The following LINGO2 variants were observed in gnomAD, a reference collection of about 807,000 sequenced individuals.
LINGO2 encodes leucine-rich repeat and immunoglobulin-like domain-containing nogo receptor-interacting protein 2.
A neutral mutation model predicts 30.6 loss-of-function variants in LINGO2; 14 were observed. The ratio of observed to expected loss-of-function variants is 0.46; its 90% CI spans 0.30 to 0.72. The LOEUF is 0.72. Ranked by LOEUF, LINGO2 falls within the 30% of genes least tolerant of loss-of-function variation. The pLI, the probability that LINGO2 is intolerant of heterozygous loss-of-function variation, is 0.07. For missense variants in LINGO2, 729 were observed against 751.7 expected (o/e 0.97, Z 0.35); for synonymous variants, 317 against 288.5 (o/e 1.10, Z -1.00).
intron 3 of LINGO2, among the ~76,000 whole-genome samples, chr9:28,334,426 C>T (rs1002193204): frequency 3.3e-5 from 5 of 151,972 alleles, no homozygotes; most frequent in East Asian, 1.9e-4. Flanking sequence ...ATATCCACAA[C>T]GTATAGTTCA....
intron 5 of LINGO2, among the ~76,000 whole-genome samples, chr9:27,979,913 G>A (rs80343215): frequency 0.048 from 7,352 of 151,988 alleles, 332 homozygotes; most frequent in Admixed American, 0.1. Context: ...TTCATTTTCT[G>A]TCCATAAAAC....
At chr9:29,074,156 G>A in the LINGO2 span, among the ~76,000 whole-genome samples, 1 of 152,034 alleles carries the variant, frequency 6.6e-6, no homozygotes, top group South Asian at 2.1e-4. Context: ...AAGGATGCAT[G>A]CATAAATCTG....
the LINGO2 span, among the ~76,000 whole-genome samples, chr9:28,780,048 A>G: frequency 6.6e-6 from 1 of 152,148 alleles, no homozygotes; most frequent in Non-Finnish European, 1.5e-5. Flanking sequence ...GTTTTGTTTC[A>G]TAAGTGTATT....
chr9:28,442,506 C>CTAA (rs1424307687), intron 2 of LINGO2, among the ~76,000 whole-genome samples: 24 of 152,006 alleles, frequency 1.6e-4, no homozygotes, highest in Non-Finnish European at 2.8e-4. Context: ...TACTAATGTG[C>CTAA]TGTATTTGTT....
intron 4 of LINGO2, among the ~76,000 whole-genome samples, chr9:28,029,817 C>T (rs559335927): frequency 1.3e-4 from 20 of 152,286 alleles, no homozygotes; most frequent in African/African-American, 4.6e-4. Context: ...AATTCTTCAA[C>T]TGTTGTATGT....
rs199777367 is a variant in LINGO2, at chr9:28,656,252, TA to T, written c.-365+13947del. Among the ~76,000 whole-genome samples, 84 of 150,806 alleles carry T rather than the reference TA, an allele frequency of 5.6e-4. 2 individuals carry two copies. The highest frequency in any genetic ancestry group is 1.2e-3 in the East Asian group (6 of 5,144). On this transcript the variant is annotated intron_variant, in intron 1 of 5. Coordinates refer to ENST00000379992, the Ensembl canonical transcript of LINGO2. ...TGTTCTAAAGCAAGTGGGTTAAAGT[TA>T]AAAAAAAATAGCATATTTACATAGT... is the stretch of plus-strand genomic sequence containing the variant.
chr9:28,223,184 G>A (rs949676551), intron 4 of LINGO2, among the ~76,000 whole-genome samples: 2 of 152,148 alleles, frequency 1.3e-5, no homozygotes, highest in African/African-American at 4.8e-5. Context: ...ACCTGAGATG[G>A]GGTAATTTAT....
intron 3 of LINGO2, among the ~76,000 whole-genome samples, chr9:28,359,467 C>T (rs1820358908): frequency 6.6e-6 from 1 of 152,144 alleles, no homozygotes. Context: ...CACACACATA[C>T]CTGCCCTAAC....
chr9:28,913,103 T>A, the LINGO2 span, among the ~76,000 whole-genome samples: 1 of 152,118 alleles, frequency 6.6e-6, no homozygotes, highest in Non-Finnish European at 1.5e-5. Context: ...ACAATAATTA[T>A]CTTTTTCTTT....
At chr9:28,762,150 C>T in the LINGO2 span, among the ~76,000 whole-genome samples, 1 of 151,988 alleles carries the variant, frequency 6.6e-6, no homozygotes, top group African/African-American at 2.4e-5. Flanking sequence ...CTTTCCTAAA[C>T]TGGGGTAGAC....
chr9:28,430,715 A>C (rs1587663086), intron 2 of LINGO2, among the ~76,000 whole-genome samples: 1 of 152,250 alleles, frequency 6.6e-6, no homozygotes, highest in Admixed American at 6.5e-5. Context: ...AAACTGACCT[A>C]AAACTGGGTA....
chr9:28,472,057 T>G (rs1029404203), intron 2 of LINGO2, among the ~76,000 whole-genome samples: 1 of 152,168 alleles, frequency 6.6e-6, no homozygotes, highest in Non-Finnish European at 1.5e-5. Flanking sequence ...TTGGAATTTG[T>G]GACTTGGAAA....
At chr9:28,787,761 A>G in the LINGO2 span, among the ~76,000 whole-genome samples, 2 of 152,186 alleles carry the variant, frequency 1.3e-5, no homozygotes, top group Non-Finnish European at 2.9e-5. Flanking sequence ...TTTACTATGT[A>G]GCTATTTCTG....
the LINGO2 span, among the ~76,000 whole-genome samples, chr9:28,683,508 C>T: frequency 2.0e-5 from 3 of 151,950 alleles, no homozygotes; most frequent in African/African-American, 7.3e-5. Flanking sequence ...TTTATGCCAC[C>T]GAGCAATTAG....
At chr9:28,465,465 G>C (rs774408552) in intron 2 of LINGO2, among the ~76,000 whole-genome samples, 12 of 152,150 alleles carry the variant, frequency 7.9e-5, no homozygotes, top group Non-Finnish European at 1.5e-4. Flanking sequence ...CACAAGATAG[G>C]GGGCATGGTA....
chr9:28,897,215 T>C, the LINGO2 span, among the ~76,000 whole-genome samples: 1 of 152,218 alleles, frequency 6.6e-6, no homozygotes, highest in East Asian at 1.9e-4. Context: ...TCTCCATTAG[T>C]AAATGGACAT....
chr9:28,625,811 C>T (rs1454551280), intron 1 of LINGO2, among the ~76,000 whole-genome samples: 1 of 151,982 alleles, frequency 6.6e-6, no homozygotes, highest in African/African-American at 2.4e-5. Context: ...TCACTGTTTG[C>T]ATCGTATAGC....
chr9:27,984,178 G>T (rs997615693), intron 5 of LINGO2, among the ~76,000 whole-genome samples: 1 of 151,862 alleles, frequency 6.6e-6, no homozygotes, highest in Non-Finnish European at 1.5e-5. Context: ...TAGTTTTGAA[G>T]TTATTCTTGG....
chr9:28,763,851 A>C, the LINGO2 span, among the ~76,000 whole-genome samples: 1 of 151,842 alleles, frequency 6.6e-6, no homozygotes, highest in African/African-American at 2.4e-5. Flanking sequence ...ACATTACAAC[A>C]AATGTCTCTG....
Sources: gnomAD v4.1 joint callset for allele counts (sites outside exome capture counted in the v4.1 genomes callset) on GRCh38, gnomAD v4.1.1 for gene constraint, MANE v1.5 for transcripts, NCBI Gene and HGNC (gene_info 2026-07-23, HGNC 2026-07-21) for gene names.